NRG2: variants seen among roughly 807,000 people sequenced by gnomAD.
NRG2 encodes neuregulin 2, also known as pro-neuregulin-2, membrane-bound isoform.
Under a neutral mutation model 73.9 loss-of-function variants are expected in NRG2, and 27 were observed. The observed-to-expected ratio is 0.37, with a 90% confidence interval of 0.27 to 0.50. The LOEUF (loss-of-function observed/expected upper bound fraction) is 0.50. Ranked by LOEUF, NRG2 falls within the 20% of genes least tolerant of loss-of-function variation. The pLI is 0.96. For missense variants in NRG2, 1,126 were observed against 1,210.1 expected (o/e 0.93, Z 1.03); for synonymous variants, 532 against 541.0 (o/e 0.98, Z 0.23).
intron 1 of NRG2, among the ~76,000 whole-genome samples, chr5:140,007,229 C>G (rs1758977164): frequency 6.6e-6 from 1 of 152,040 alleles, no homozygotes; most frequent in South Asian, 2.1e-4. Flanking sequence ...GAGAAGGAAA[C>G]TGGACTTTGA....
At chr5:139,944,061 A>G (rs1490680605) in intron 1 of NRG2, among the ~76,000 whole-genome samples, 3 of 152,170 alleles carry the variant, frequency 2.0e-5, no homozygotes, top group African/African-American at 7.2e-5. Context: ...GATTTTTTTC[A>G]ACCCCTAAAA....
At chr5:139,859,284 A>G (rs1316542100) in intron 5 of NRG2, among the ~76,000 whole-genome samples, 1 of 152,106 alleles carries the variant, frequency 6.6e-6, no homozygotes, top group East Asian at 1.9e-4. Context: ...GGTCTTGCCA[A>G]TGTGGGGTCA....
chr5:139,910,897 C>A (rs1765526301), intron 1 of NRG2, among the ~76,000 whole-genome samples: 1 of 152,054 alleles, frequency 6.6e-6, no homozygotes. Flanking sequence ...TTGGAGAGAG[C>A]AGAAGGTGGA....
At position 139,848,000 on chromosome 5, in the gene NRG2, G is replaced by C. The variant is rs1462753449; in HGVS notation, c.2470C>G (p.Leu824Val). The stretch of plus-strand genomic sequence containing the variant: ...CTGGCCCGCGTGCTGTGGCTGTCCA[G>C]TGAGTAGTAAGTCCTGCTGTCGGCC... ...PAADSRTYYSLDSHSTRASSR... is the reference protein window; with the variant it reads ...PAADSRTYYSVDSHSTRASSR... Residue 824 changes from leucine (L) to valine (V), a missense_variant, in exon 10 of 10, where the codon CTG becomes GTG. Leu to Val is a conservative substitution (Grantham distance 32). Transcript: ENST00000361474. 2 of 1,515,612 alleles carry C rather than the reference G, an allele frequency of 1.3e-6. No individual in the cohort carries two copies. The highest frequency in any genetic ancestry group is 8.8e-7 in the Non-Finnish European group (1 of 1,136,110). 93.9% of individuals were successfully genotyped at this position (1,515,612 alleles called of 1,614,324 possible). A position where few individuals can be genotyped will look rare whatever the true frequency, so the allele number is the denominator to read the frequency against.
chr5:140,017,250 G>A (rs548541252), intron 1 of NRG2, among the ~76,000 whole-genome samples: 3 of 152,220 alleles, frequency 2.0e-5, no homozygotes, highest in South Asian at 4.2e-4. Flanking sequence ...GTTAGATGAG[G>A]GAACACTGTT....
intron 1 of NRG2, among the ~76,000 whole-genome samples, chr5:139,920,476 ACC>A: frequency 6.6e-6 from 1 of 152,216 alleles, no homozygotes; most frequent in Non-Finnish European, 1.5e-5. Flanking sequence ...CCCAGTATAA[ACC>A]AGAGAAGGCT....
At chr5:140,036,644 G>A (rs529775037) in intron 1 of NRG2, among the ~76,000 whole-genome samples, 1 of 152,062 alleles carries the variant, frequency 6.6e-6, no homozygotes, top group African/African-American at 2.4e-5. Flanking sequence ...GTACAAATTC[G>A]AAAAAGTAAG....
chr5:139,997,430 T>C (rs1196802850), intron 1 of NRG2, among the ~76,000 whole-genome samples: 2 of 152,346 alleles, frequency 1.3e-5, no homozygotes, highest in South Asian at 2.1e-4. Flanking sequence ...ATTTGATACA[T>C]GGACTGCCAG....
At chr5:139,968,943 G>A (rs933671947) in intron 1 of NRG2, among the ~76,000 whole-genome samples, 2 of 152,256 alleles carry the variant, frequency 1.3e-5, no homozygotes, top group African/African-American at 2.4e-5. Context: ...CTGGTGGAGA[G>A]ATGAGGAAGG....
chr5:139,961,857 T>C (rs1755088763), intron 1 of NRG2, among the ~76,000 whole-genome samples: 1 of 152,200 alleles, frequency 6.6e-6, no homozygotes, highest in Non-Finnish European at 1.5e-5. Flanking sequence ...CAATAGCCAC[T>C]GTCCTGACTT....
At position 139,904,141 on chromosome 5, in the gene NRG2, C is replaced by A. The variant is rs191239463; in HGVS notation, c.701-16630G>T. ...CCTGGCACGCAGCCCCTTGCTCTCC[C>A]GGCCGCGACGACCCGCTCGCACGCA... is the stretch of plus-strand genomic sequence containing the variant. On this transcript the variant is annotated intron_variant, in intron 1 of 9. Transcript: ENST00000361474. This position sits in a 1 kb window ranked among gnomAD's most constrained non-coding sequence, Gnocchi z 6.0. Among the ~76,000 whole-genome samples, 1 of 152,152 alleles carries A rather than the reference C, an allele frequency of 6.6e-6. No homozygotes were observed. The highest frequency in any genetic ancestry group is 2.4e-5 in the African/African-American group (1 of 41,462).
chr5:139,882,270 C>T lies in NRG2; in HGVS notation c.873-1296G>A, dbSNP rs754172770. On this transcript the variant is annotated intron_variant, in intron 2 of 9. Transcript: ENST00000361474. ...ATAGGCTGGGCCAGGGTCAAGGAGA[C>T]GCAAACTGGCCCACAATCCCTACCT... Among the ~76,000 whole-genome samples, 8 of 152,192 alleles carry T rather than the reference C, an allele frequency of 5.3e-5. No individual in the cohort carries two copies. The East Asian group carries it at 5.8e-4, about 11-fold the overall frequency.
intron 1 of NRG2, among the ~76,000 whole-genome samples, chr5:139,974,484 C>T (rs1422823687): frequency 6.6e-6 from 1 of 152,210 alleles, no homozygotes; most frequent in East Asian, 1.9e-4. Context: ...AAGTTGACAA[C>T]ACGTGATTGT....
chr5:139,889,193 G>T (rs975212897), intron 1 of NRG2, among the ~76,000 whole-genome samples: 1 of 152,102 alleles, frequency 6.6e-6, no homozygotes, highest in Admixed American at 6.6e-5. Flanking sequence ...CTAAGTGGGG[G>T]CCTTGAAACC....
At chr5:139,863,987 C>CTT (rs1342303471) in intron 5 of NRG2, among the ~76,000 whole-genome samples, 1 of 152,186 alleles carries the variant, frequency 6.6e-6, no homozygotes, top group Admixed American at 6.5e-5. Context: ...CCCCAAACCC[C>CTT]TTTTCTCCAA....
At chr5:140,027,970 G>C (rs1760834829) in intron 1 of NRG2, among the ~76,000 whole-genome samples, 1 of 152,194 alleles carries the variant, frequency 6.6e-6, no homozygotes, top group African/African-American at 2.4e-5. Flanking sequence ...CAGGCAATAG[G>C]ACTGAGCCCT....
At chr5:139,882,059 C>T (rs530790027) in intron 2 of NRG2, among the ~76,000 whole-genome samples, 1 of 152,280 alleles carries the variant, frequency 6.6e-6, no homozygotes, top group South Asian at 2.1e-4. Flanking sequence ...AATTTCTGCA[C>T]ATGGTATGAT....
intron 1 of NRG2, among the ~76,000 whole-genome samples, chr5:139,989,247 G>C (rs767522580): frequency 2.6e-5 from 4 of 151,920 alleles, no homozygotes; most frequent in Non-Finnish European, 4.4e-5. Context: ...GGCCACCACT[G>C]GAGAACAATG....
chr5:139,905,035 CTG>C (rs1240435394), intron 1 of NRG2, among the ~76,000 whole-genome samples: 2 of 152,210 alleles, frequency 1.3e-5, no homozygotes, highest in African/African-American at 4.8e-5. Context: ...AGCAAGGGGT[CTG>C]TGGCCCAAAA....
Sources: allele counts gnomAD v4.1 joint callset (sites outside exome capture counted in the v4.1 genomes callset), GRCh38; gene constraint gnomAD v4.1.1; non-coding constraint Gnocchi (gnomAD v3.1); transcripts MANE v1.5; gene names NCBI Gene and HGNC (gene_info 2026-07-23, HGNC 2026-07-21).